FBXW8: variants seen among roughly 807,000 people sequenced by gnomAD.
The protein encoded by FBXW8 is F-box/WD repeat-containing protein 8.
Under a neutral mutation model 65.3 loss-of-function variants are expected in FBXW8, and 57 were observed. That is an observed-to-expected ratio of 0.87 (90% CI 0.71 to 1.09). FBXW8 has a LOEUF of 1.09. FBXW8 is among the 50% of genes least tolerant of loss of function. The probability of loss-of-function intolerance (pLI) is 0.00; values close to 1 mark genes in which losing one functional copy is unlikely to be tolerated. For missense variants in FBXW8, 777 were observed against 814.8 expected (o/e 0.95, Z 0.57); for synonymous variants, 308 against 330.2 (o/e 0.93, Z 0.73).
At chr12:116,957,178 C>G (rs956701113) in intron 4 of FBXW8, among the ~76,000 whole-genome samples, 4 of 152,160 alleles carry the variant, frequency 2.6e-5, no homozygotes, top group Middle Eastern at 6.8e-3. Context: ...AAAACCCCTT[C>G]TCTACCAAAA....
intron 5 of FBXW8, among the ~76,000 whole-genome samples, chr12:116,980,885 T>C (rs1885259066): frequency 6.6e-6 from 1 of 152,222 alleles, no homozygotes; most frequent in Non-Finnish European, 1.5e-5. Context: ...TTTGTTTCTC[T>C]CCAGTGTGTG....
At chr12:116,933,378 C>T (rs1279523260) in intron 2 of FBXW8, among the ~76,000 whole-genome samples, 2 of 152,248 alleles carry the variant, frequency 1.3e-5, no homozygotes, top group Non-Finnish European at 2.9e-5. Context: ...GTGGCTTTCA[C>T]ATCTGCTGCT....
chr12:117,027,829 G>T (rs577759930), intron 10 of FBXW8, among the ~76,000 whole-genome samples, 199 bp from the exon 11 acceptor site: 41 of 152,226 alleles, frequency 2.7e-4, no homozygotes, highest in African/African-American at 8.9e-4. Context: ...CACTCACTGC[G>T]CCCATCGGAC....
intron 7 of FBXW8, among the ~76,000 whole-genome samples, chr12:117,003,939 G>A (rs1263591103): frequency 6.6e-6 from 1 of 152,112 alleles, no homozygotes; most frequent in African/African-American, 2.4e-5. Context: ...TATACTGTCT[G>A]GGATTTCTTG....
At chr12:116,976,776 A>G (rs1884971867) in intron 5 of FBXW8, among the ~76,000 whole-genome samples, 1 of 152,178 alleles carries the variant, frequency 6.6e-6, no homozygotes, top group South Asian at 2.1e-4. Context: ...TAAAATGTCA[A>G]CATTTACAAA....
In FBXW8 at chr12:116,911,024, C is replaced by T. The variant is rs1182660639; in HGVS notation, c.-14C>T. On this transcript the variant is annotated 5_prime_UTR_variant, in exon 1 of 11. Coordinates refer to ENST00000652555, the MANE Select transcript of FBXW8 (RefSeq NM_153348.3). ...TGGAACCGAGGAGAACGTGGAGCGC[C>T]GGGAGCGGCGAATATGGACGACTAC... 4.3e-6 allele frequency: 6 copies of T among 1,399,004 alleles called. No individual in the cohort carries two copies. Among genetic ancestry groups the T allele is most frequent in the Non-Finnish European group, 3.7e-6 (4 of 1,081,156 alleles). The allele number at this position is 1,399,004 out of a possible 1,614,324, so 86.7% of individuals were successfully genotyped here.
At chr12:117,001,476 A>G (rs1002304224) in intron 7 of FBXW8, among the ~76,000 whole-genome samples, 3 of 152,200 alleles carry the variant, frequency 2.0e-5, no homozygotes, top group Non-Finnish European at 4.4e-5. Flanking sequence ...AATGTTCACT[A>G]AGTCCTGTCG....
At chr12:116,953,542 C>T (rs967233064) in intron 4 of FBXW8, among the ~76,000 whole-genome samples, 1 of 151,940 alleles carries the variant, frequency 6.6e-6, no homozygotes, top group African/African-American at 2.4e-5. Context: ...GAGGCCGAGG[C>T]GGGCGGATCA....
intron 8 of FBXW8, among the ~76,000 whole-genome samples, chr12:117,019,258 G>A (rs953645261): frequency 3.9e-5 from 6 of 152,288 alleles, no homozygotes; most frequent in Admixed American, 2.6e-4. Flanking sequence ...TCCACTGGAT[G>A]GACTTGTTAT....
At chr12:116,929,017 C>G (rs73395601) in intron 2 of FBXW8, among the ~76,000 whole-genome samples, 10,602 of 152,036 alleles carry the variant, frequency 0.07, 968 homozygotes, top group African/African-American at 0.21. Flanking sequence ...CACTGGCCAG[C>G]CTGGTCTCAA....
chr12:116,939,377 T>C (rs557427586), intron 2 of FBXW8, among the ~76,000 whole-genome samples: 1 of 152,224 alleles, frequency 6.6e-6, no homozygotes, highest in Non-Finnish European at 1.5e-5. Context: ...CTTAGAGATG[T>C]GCAGCACATG....
chr12:116,965,567 C>T (rs543541748), intron 5 of FBXW8, among the ~76,000 whole-genome samples: 1 of 152,208 alleles, frequency 6.6e-6, no homozygotes, highest in African/African-American at 2.4e-5. Flanking sequence ...AGCTTCATGT[C>T]CCCACTTGCC....
intron 8 of FBXW8, among the ~76,000 whole-genome samples, chr12:117,021,401 T>G (rs1470593371): frequency 6.6e-6 from 1 of 152,234 alleles, no homozygotes; most frequent in Non-Finnish European, 1.5e-5. Context: ...TTGGACTGAC[T>G]TTCTGATTGT....
chr12:116,943,329 A>G (rs927717152), intron 2 of FBXW8, among the ~76,000 whole-genome samples: 2 of 152,214 alleles, frequency 1.3e-5, no homozygotes, highest in African/African-American at 4.8e-5. Flanking sequence ...CTCTGGAAAT[A>G]GAATCTTTCT....
intron 7 of FBXW8, among the ~76,000 whole-genome samples, chr12:117,005,284 C>T (rs995927128): frequency 6.6e-6 from 1 of 152,164 alleles, no homozygotes; most frequent in Admixed American, 6.5e-5. Flanking sequence ...CATCGTGTAC[C>T]AATCAGTGAG....
intron 1 of FBXW8, among the ~76,000 whole-genome samples, chr12:116,924,935 C>T (rs11068243): frequency 6.6e-6 from 1 of 152,112 alleles, no homozygotes; most frequent in Non-Finnish European, 1.5e-5. Flanking sequence ...TGATGTCACT[C>T]ATTTACCTGC....
chr12:116,921,600 G>C (rs551065011), intron 1 of FBXW8, among the ~76,000 whole-genome samples: 23 of 152,034 alleles, frequency 1.5e-4, no homozygotes, highest in Non-Finnish European at 3.1e-4. Flanking sequence ...CTTGCTAACA[G>C]CACCTCCCTC....
chr12:117,010,715 C>T (rs946306392), intron 8 of FBXW8, among the ~76,000 whole-genome samples: 2 of 152,216 alleles, frequency 1.3e-5, no homozygotes, highest in Non-Finnish European at 2.9e-5. Flanking sequence ...GTAGAAGGTC[C>T]AGGGAGACCA....
intron 4 of FBXW8, among the ~76,000 whole-genome samples, chr12:116,959,834 A>G (rs1202854043): frequency 6.6e-6 from 1 of 152,236 alleles, no homozygotes; most frequent in East Asian, 1.9e-4. Context: ...GGTAAACTCA[A>G]CCTTGCCAAG....
Sources: gnomAD v4.1 joint callset for allele counts (sites outside exome capture counted in the v4.1 genomes callset) on GRCh38, gnomAD v4.1.1 for gene constraint, MANE v1.5 for transcripts, NCBI Gene and HGNC (gene_info 2026-07-23, HGNC 2026-07-21) for gene names.